Variants in CLMP observed in about 807,000 individuals in gnomAD.
CLMP encodes CXADR like cell adhesion molecule.
In CLMP, 27 loss-of-function variants were observed where a neutral mutation model predicts 45.2. That is an observed-to-expected ratio of 0.60 (90% CI 0.44 to 0.82). The LOEUF is 0.82. Among genes scored for constraint, CLMP ranks in the 40% least tolerant of loss-of-function variants. The probability of loss-of-function intolerance (pLI) is 0.00; values close to 1 mark genes in which losing one functional copy is unlikely to be tolerated. For missense variants in CLMP, 403 were observed against 448.4 expected (o/e 0.90, Z 0.91); for synonymous variants, 167 against 171.4 (o/e 0.97, Z 0.20).
chr11:123,118,990 T>TC (rs2135498017), intron 1 of CLMP, among the ~76,000 whole-genome samples: 1 of 49,818 alleles, frequency 2.0e-5, no homozygotes, highest in Non-Finnish European at 3.7e-5. Flanking sequence ...TCTTTCTTTC[T>TC]TTCTTTCTTT....
chr11:123,097,915 C>A lies in CLMP; in HGVS notation c.66G>T (p.Glu22Asp). 1 of 1,600,760 alleles carries A rather than the reference C, an allele frequency of 6.2e-7. No individual in the cohort carries two copies. Residue 22 changes from glutamate (E) to aspartate (D), a missense_variant, in exon 2 of 7, where the codon GAG (glutamate) becomes GAT (aspartate). By Grantham distance (45) the Glu-to-Asp change is conservative. Transcript: ENST00000448775. Reference sequence around the variant, plus strand: ...CCTTTTCCTCTGCCACTCTCTTGATCTCAGTGTGAGTCCCCAAGGTTCCAA... The same window carrying A: ...CCTTTTCCTCTGCCACTCTCTTGATATCAGTGTGAGTCCCCAAGGTTCCAA... ...YYVGTLGTHTEIKRVAEEKVT... is the reference protein window; with the variant it reads ...YYVGTLGTHTDIKRVAEEKVT...
At chr11:123,079,259 C>T (rs1865774457) in intron 5 of CLMP, among the ~76,000 whole-genome samples, 2 of 152,068 alleles carry the variant, frequency 1.3e-5, no homozygotes, top group African/African-American at 4.8e-5. Flanking sequence ...AATGTAAAAG[C>T]ACCTGTTTCC....
At chr11:123,152,694 T>C (rs1861355766) in intron 1 of CLMP, among the ~76,000 whole-genome samples, 1 of 151,902 alleles carries the variant, frequency 6.6e-6, no homozygotes, top group South Asian at 2.1e-4. Flanking sequence ...TCACCCAGTC[T>C]GTGGTACTTT....
At chr11:123,176,195 A>C (rs10892977) in intron 1 of CLMP, among the ~76,000 whole-genome samples, 94,601 of 152,066 alleles carry the variant, frequency 0.62, 29,847 homozygotes, top group East Asian at 0.76. Flanking sequence ...GCTTCTTTTT[A>C]GGAATAATTT....
chr11:123,179,739 T>C (rs1184946068), intron 1 of CLMP, among the ~76,000 whole-genome samples: 2 of 152,212 alleles, frequency 1.3e-5, no homozygotes, highest in Non-Finnish European at 2.9e-5. Flanking sequence ...CTTAAAATCC[T>C]TGGGCTTGCC....
In CLMP at chr11:123,071,792, C is replaced by T. The variant is rs1865674973; in HGVS notation, c.*1682G>A. The T allele has an allele frequency of 6.6e-6, 1 of 152,220 alleles. No homozygotes were observed. The highest frequency in any genetic ancestry group is 2.4e-5 in the African/African-American group (1 of 41,456). The allele number at this position is 152,220 out of a possible 1,614,324, so 9.4% of individuals were successfully genotyped here. On this transcript the variant is annotated 3_prime_UTR_variant, in exon 7 of 7. Transcript: ENST00000448775. ...CATTTGTGCTAGGGTCCTTGAAGAG[C>T]TGATTCAGGTCCAGCATTTGTGCTG...
At chr11:123,106,382 GGT>G (rs539659160) in intron 1 of CLMP, among the ~76,000 whole-genome samples, 1,801 of 135,216 alleles carry the variant, frequency 0.013, 24 homozygotes, top group South Asian at 0.047. Flanking sequence ...TTCTGTAGGA[GGT>G]GTGTGTGTGT....
rs1379498178 is a variant in CLMP at position 123,071,624 on chromosome 11, C to T, written c.*1850G>A. 1 of 151,844 alleles carries T rather than the reference C, an allele frequency of 6.6e-6. No individual in the cohort carries two copies. Among genetic ancestry groups the T allele is most frequent in the Non-Finnish European group, 1.5e-5 (1 of 68,014 alleles). The allele number at this position is 151,844 out of a possible 1,614,324, so 9.4% of individuals were successfully genotyped here. On this transcript the variant is annotated 3_prime_UTR_variant, in exon 7 of 7. Transcript: ENST00000448775. ...CTGTAATACCAGCGACTCAGGAGGA[C>T]AAGGCAGGAGAATCACTTGAACCCA...
intron 1 of CLMP, among the ~76,000 whole-genome samples, chr11:123,133,258 GC>G (rs940426783): frequency 6.6e-6 from 1 of 152,034 alleles, no homozygotes; most frequent in Non-Finnish European, 1.5e-5. Context: ...CCTTGACCGG[GC>G]CCTAGTCAGG....
At chr11:123,173,692 C>T (rs1315663331) in intron 1 of CLMP, among the ~76,000 whole-genome samples, 1 of 152,122 alleles carries the variant, frequency 6.6e-6, no homozygotes, top group African/African-American at 2.4e-5. Flanking sequence ...GATGAGGAAA[C>T]TGAAGCTCAG....
At chr11:123,087,901 C>T (rs1022619931) in intron 2 of CLMP, among the ~76,000 whole-genome samples, 1 of 151,204 alleles carries the variant, frequency 6.6e-6, no homozygotes, top group Non-Finnish European at 1.5e-5. Flanking sequence ...GGGTAGGTTT[C>T]GTTTTGTTTC....
At chr11:123,152,551 TAAATAAATAAATAAAA>T (rs1264194457) in intron 1 of CLMP, among the ~76,000 whole-genome samples, 2 of 150,248 alleles carry the variant, frequency 1.3e-5, no homozygotes, top group Non-Finnish European at 3.0e-5. Context: ...AATAAATAAA[TAAATAAATAAATAAAA>T]AATAAATAAA....
intron 2 of CLMP, among the ~76,000 whole-genome samples, chr11:123,094,074 A>G (rs1865963789): frequency 6.6e-6 from 1 of 152,188 alleles, no homozygotes; most frequent in Non-Finnish European, 1.5e-5. Flanking sequence ...AGTGGTTCTC[A>G]GACCAGGCAC....
chr11:123,118,957 CTT>C (rs1419506038), intron 1 of CLMP, among the ~76,000 whole-genome samples: 27 of 35,568 alleles, frequency 7.6e-4, no homozygotes, highest in South Asian at 2.5e-3. Flanking sequence ...TTCTTTCTTT[CTT>C]TCTTTCTTTC....
At chr11:123,158,347 G>C (rs551812956) in intron 1 of CLMP, among the ~76,000 whole-genome samples, 1 of 152,326 alleles carries the variant, frequency 6.6e-6, no homozygotes, top group Non-Finnish European at 1.5e-5. Context: ...TTAATAAAAT[G>C]CTTCTCTCCT....
chr11:123,084,159 G>C (rs1469773005), intron 3 of CLMP, among the ~76,000 whole-genome samples: 2 of 152,168 alleles, frequency 1.3e-5, no homozygotes, highest in Non-Finnish European at 2.9e-5. Context: ...TACTGATACA[G>C]AAGTGTATTA....
intron 1 of CLMP, among the ~76,000 whole-genome samples, chr11:123,180,747 A>C (rs1326781294): frequency 6.6e-6 from 1 of 152,196 alleles, no homozygotes; most frequent in Non-Finnish European, 1.5e-5. Context: ...GTTTGCACTG[A>C]AACCTGAAAG....
chr11:123,148,233 G>T (rs573620528), intron 1 of CLMP, among the ~76,000 whole-genome samples: 1 of 152,196 alleles, frequency 6.6e-6, no homozygotes, highest in Admixed American at 6.5e-5. Context: ...CTTTTAAGTG[G>T]CTTTCAAAGC....
chr11:123,093,987 C>T (rs1591454847), intron 2 of CLMP, among the ~76,000 whole-genome samples: 1 of 152,116 alleles, frequency 6.6e-6, no homozygotes, highest in East Asian at 1.9e-4. Flanking sequence ...ATTTTTCCGC[C>T]ATTTGGTGTT....
Sources: gnomAD v4.1 joint callset for allele counts (sites outside exome capture counted in the v4.1 genomes callset) on GRCh38, gnomAD v4.1.1 for gene constraint, MANE v1.5 for transcripts, NCBI Gene and HGNC (gene_info 2026-07-23, HGNC 2026-07-21) for gene names.